Variants in CHN1 observed in about 807,000 individuals in gnomAD.
The protein encoded by CHN1 is N-chimaerin.
Under a neutral mutation model 59.5 loss-of-function variants are expected in CHN1, and 37 were observed. The ratio of observed to expected loss-of-function variants is 0.62; its 90% confidence interval spans 0.48 to 0.82. The LOEUF is 0.82. CHN1 is among the 40% of genes least tolerant of loss of function. The pLI is 0.00. For missense variants in CHN1, 469 were observed against 571.0 expected, an observed-to-expected ratio of 0.82 and a Z score of 1.82; for synonymous variants, 206 against 200.4, an observed-to-expected ratio of 1.03 and a Z score of -0.24.
In CHN1 at chr2:174,807,399, C is replaced by T. The variant is rs567331626; in HGVS notation, c.1102+1506G>A. ...ACCCACTTTCAGTGGGATCGGAGTC[C>T]TCGGGATCAGAGCATACTGTGGACT... On this transcript the variant is annotated intron_variant, in intron 11 of 12. Coordinates refer to ENST00000409900, the MANE Select transcript of CHN1 (RefSeq NM_001822.7). Among the ~76,000 whole-genome samples, 105 of 150,012 alleles carry T rather than the reference C, an allele frequency of 7.0e-4. 1 individual carries two copies. In the South Asian group the frequency reaches 0.021, roughly 30 times the overall value.
At position 174,963,689 on chromosome 2, in the gene CHN1, C is replaced by A. The variant is rs749153051; in HGVS notation, c.20-11487G>T. 2.0e-5 allele frequency among the ~76,000 whole-genome samples: 3 copies of A among 152,142 alleles called. No homozygotes were observed. In the East Asian group the frequency reaches 5.8e-4, roughly 29 times the overall value. ...TTCTTCTCTGGTTTGTATGTTCTTTCAATTAAATACTCAGCTATTTGAGGA... is the reference window on the plus strand; with the variant it reads ...TTCTTCTCTGGTTTGTATGTTCTTTAAATTAAATACTCAGCTATTTGAGGA... On this transcript the variant is annotated intron_variant, in intron 1 of 12. Coordinates refer to ENST00000409900, the MANE Select transcript of CHN1 (RefSeq NM_001822.7).
chr2:174,802,112 G>A, intron 11 of CHN1: 1 of 298,804 alleles, frequency 3.3e-6, no homozygotes, highest in Non-Finnish European at 6.6e-6. Flanking sequence ...AATACAGGAT[G>A]TAACTACAAA....
chr2:174,974,898 TACACACACACACACAC>T (rs373940330), intron 1 of CHN1, among the ~76,000 whole-genome samples: 4 of 144,268 alleles, frequency 2.8e-5, no homozygotes, highest in South Asian at 4.5e-4. Flanking sequence ...AAATAATTAA[TACACACACACACACAC>T]ACACACACAC....
In CHN1 at chr2:175,005,005, G is replaced by A; in HGVS notation, c.-93C>T. The A allele has an allele frequency of 6.7e-7, 1 of 1,494,972 alleles. No homozygotes were observed. The highest frequency in any genetic ancestry group is 8.9e-7 in the Non-Finnish European group (1 of 1,124,106). The allele number at this position is 1,494,972 out of a possible 1,614,324, so 92.6% of individuals were successfully genotyped here. A position where few individuals can be genotyped will look rare whatever the true frequency, so the allele number is the denominator to read the frequency against. On this transcript the variant is annotated 5_prime_UTR_variant, in exon 1 of 13. Coordinates refer to ENST00000409900, the MANE Select transcript of CHN1 (RefSeq NM_001822.7). ...CAGCCCGCCGCACCCACACCTCGGA[G>A]AGAGTGGGGTGCCCGATGGGGCGTG...
At chr2:174,952,413 T>C (rs534033096) in intron 1 of CHN1, among the ~76,000 whole-genome samples, 22 of 152,320 alleles carry the variant, frequency 1.4e-4, no homozygotes, top group Non-Finnish European at 3.1e-4. Context: ...AGTTACTGTA[T>C]TTATTCAATT....
chr2:174,824,614 C>A (rs934495103), intron 7 of CHN1, 96 bp from the exon 8 acceptor site: 24 of 451,820 alleles, frequency 5.3e-5, no homozygotes, highest in Admixed American at 2.9e-4. Flanking sequence ...GCCACATATT[C>A]TATATATATA....
At chr2:174,937,519 T>A (rs951732334) in intron 3 of CHN1, among the ~76,000 whole-genome samples, 2 of 152,226 alleles carry the variant, frequency 1.3e-5, no homozygotes, top group African/African-American at 4.8e-5. Context: ...TATCACCTTA[T>A]CAATTGTATT....
intron 7 of CHN1, among the ~76,000 whole-genome samples, chr2:174,844,432 T>C (rs956759507): frequency 2.6e-5 from 4 of 152,150 alleles, no homozygotes; most frequent in African/African-American, 9.7e-5. Context: ...CACAGAGCAG[T>C]ATTACATAAC....
At chr2:174,990,958 T>G (rs1691527730) in intron 1 of CHN1, among the ~76,000 whole-genome samples, 1 of 152,170 alleles carries the variant, frequency 6.6e-6, no homozygotes. Context: ...TAAAGTCAAT[T>G]TCATCAAAAC....
At chr2:175,001,409 C>G (rs1015911305) in intron 1 of CHN1, among the ~76,000 whole-genome samples, 6 of 152,146 alleles carry the variant, frequency 3.9e-5, no homozygotes, top group African/African-American at 1.4e-4. Context: ...AAAGAATATG[C>G]CATTGCTATT....
intron 1 of CHN1, among the ~76,000 whole-genome samples, chr2:174,985,731 A>T (rs1234909634): frequency 1.3e-5 from 2 of 152,180 alleles, no homozygotes; most frequent in South Asian, 2.1e-4. Flanking sequence ...TAAAATGTTA[A>T]ATTGAAGCTC....
At chr2:174,814,665 C>CT (rs1204495337) in intron 8 of CHN1, among the ~76,000 whole-genome samples, 2 of 152,170 alleles carry the variant, frequency 1.3e-5, no homozygotes, top group African/African-American at 4.8e-5. Context: ...TTCACCATGA[C>CT]TATGTTGTTG....
intron 3 of CHN1, among the ~76,000 whole-genome samples, chr2:174,932,548 C>T (rs1689380453): frequency 6.6e-6 from 1 of 152,136 alleles, no homozygotes; most frequent in African/African-American, 2.4e-5. Flanking sequence ...GCTTGGTAGC[C>T]ATGAAACAGG....
intron 6 of CHN1, among the ~76,000 whole-genome samples, chr2:174,866,788 T>A (rs1687230247): frequency 6.6e-6 from 1 of 152,210 alleles, no homozygotes; most frequent in South Asian, 2.1e-4. Flanking sequence ...AAACTTTCTA[T>A]ATTCAGCAAA....
chr2:174,851,969 G>C (rs1180621151), intron 6 of CHN1, among the ~76,000 whole-genome samples: 1 of 152,086 alleles, frequency 6.6e-6, no homozygotes, highest in Non-Finnish European at 1.5e-5. Context: ...TGTCCATGCT[G>C]AGAGTCAAAT....
At chr2:174,992,173 C>A (rs1351154051) in intron 1 of CHN1, among the ~76,000 whole-genome samples, 1 of 152,182 alleles carries the variant, frequency 6.6e-6, no homozygotes, top group African/African-American at 2.4e-5. Flanking sequence ...AAGTTAGCAG[C>A]TGGTTGGGTA....
chr2:174,970,736 T>C (rs150229437), intron 1 of CHN1, among the ~76,000 whole-genome samples: 1,543 of 152,270 alleles, frequency 0.01, 30 homozygotes, highest in African/African-American at 0.035. Context: ...ATGTCATTGA[T>C]ATGGTTTCAA....
intron 3 of CHN1, among the ~76,000 whole-genome samples, chr2:174,944,212 T>C (rs985327145): frequency 4.6e-5 from 7 of 152,214 alleles, no homozygotes; most frequent in Admixed American, 1.3e-4. Context: ...TCAGGATAAA[T>C]TCCTAGAATT....
At chr2:174,955,083 A>G (rs1387622649) in intron 1 of CHN1, among the ~76,000 whole-genome samples, 1 of 150,962 alleles carries the variant, frequency 6.6e-6, no homozygotes, top group Non-Finnish European at 1.5e-5. Flanking sequence ...TGCGGTATAT[A>G]CATCTATATA....
Sources: allele counts gnomAD v4.1 joint callset (sites outside exome capture counted in the v4.1 genomes callset), GRCh38; gene constraint gnomAD v4.1.1; transcripts MANE v1.5; gene names NCBI Gene and HGNC (gene_info 2026-07-23, HGNC 2026-07-21).